Variants in LYSMD4 observed in about 807,000 individuals in gnomAD.
LYSMD4 encodes LysM domain containing 4, also known as lysM and putative peptidoglycan-binding domain-containing protein 4.
A neutral mutation model predicts 6.1 loss-of-function variants in LYSMD4; 9 were observed. The ratio of observed to expected loss-of-function variants is 1.47; its 90% CI spans 0.88 to 2.56. The LOEUF is 2.56. Ranked by LOEUF, LYSMD4 falls within the 30% of genes most tolerant of loss-of-function variation. LYSMD4 has a pLI of 0.00. For missense variants in LYSMD4, 384 were observed against 373.5 expected, an observed-to-expected ratio of 1.03 and a Z score of -0.23; for synonymous variants, 143 against 148.5, an observed-to-expected ratio of 0.96 and a Z score of 0.27.
upstream of LYSMD4, among the ~76,000 whole-genome samples, chr15:99,721,751 T>C (rs2059239576): frequency 6.6e-6 from 1 of 152,126 alleles, no homozygotes; most frequent in African/African-American, 2.4e-5. Flanking sequence ...CATATTAGAA[T>C]AACAGCAACC....
At chr15:99,725,115 G>T (rs558999141), downstream of LYSMD4, among the ~76,000 whole-genome samples, 9 of 149,500 alleles carry the variant, frequency 6.0e-5, no homozygotes, top group South Asian at 2.2e-4. Context: ...GAAGGAAGCA[G>T]GTAAGGGAGG....
intron 1 of LYSMD4, 79 bp from the exon 2 acceptor site, chr15:99,732,086 GT>G (rs2059432961): frequency 1.4e-6 from 2 of 1,403,264 alleles, no homozygotes; most frequent in African/African-American, 1.4e-5. Context: ...GAAGTGTCTT[GT>G]TAGAGAGTAT....
Position 99,729,415 on chromosome 15 carries a change from AGTGGCTGATGGGAGGT to A in LYSMD4, c.583_598del (p.Thr195CysfsTer28). The A allele has an allele frequency of 6.2e-7, 1 of 1,614,230 alleles. No individual in the cohort carries two copies. The highest frequency in any genetic ancestry group is 8.5e-7 in the Non-Finnish European group (1 of 1,180,036). On this transcript the variant is annotated frameshift_variant, in exon 3 of 3. Coordinates refer to ENST00000684762, the MANE Select transcript of LYSMD4 (RefSeq NM_001284417.2). LOFTEE classifies it low-confidence loss of function (END_TRUNC). ...AGGCGTCTTCGGAGGTGCCGGGAGC[AGTGGCTGATGGGAGGT>A]GTCCATGCAGTAACTTTCATGTAGA...
chr15:99,725,504 G>C (rs1239853617), downstream of LYSMD4, among the ~76,000 whole-genome samples: 1 of 152,024 alleles, frequency 6.6e-6, no homozygotes, highest in East Asian at 1.9e-4. Flanking sequence ...TCAATCCTTT[G>C]ACTCTGCTGG....
rs1434864951 is a variant in LYSMD4, at chr15:99,728,701, A to G, written c.*422T>C. The stretch of plus-strand genomic sequence containing the variant: ...CAGAGAACACTCCTTCTCAGAGCCA[A>G]TCCCCGCTCCACAGGAAGTGAGGAT... On this transcript the variant is annotated 3_prime_UTR_variant, in exon 3 of 3. Coordinates refer to ENST00000684762, the MANE Select transcript of LYSMD4 (RefSeq NM_001284417.2). 4.8e-6 allele frequency: 1 copy of G among 209,360 alleles called. No individual in the cohort carries two copies. Among genetic ancestry groups the G allele is most frequent in the Non-Finnish European group, 9.9e-6 (1 of 100,948 alleles). The allele number at this position is 209,360 out of a possible 1,614,324, so 13.0% of individuals were successfully genotyped here.
At chr15:99,726,210 C>T (rs1003286182), downstream of LYSMD4, among the ~76,000 whole-genome samples, 3 of 140,570 alleles carry the variant, frequency 2.1e-5, no homozygotes, top group Non-Finnish European at 4.6e-5. Context: ...TCGGCCCGAT[C>T]TCGGCTCACT....
chr15:99,732,184 T>C (rs2059435290), intron 1 of LYSMD4, among the ~76,000 whole-genome samples, 177 bp from the exon 2 acceptor site: 1 of 152,196 alleles, frequency 6.6e-6, no homozygotes, highest in Non-Finnish European at 1.5e-5. Flanking sequence ...TGGAAGAAGA[T>C]AGGCAGAATA....
chr15:99,724,852 G>A (rs1281646124), downstream of LYSMD4, among the ~76,000 whole-genome samples: 1 of 152,206 alleles, frequency 6.6e-6, no homozygotes, highest in East Asian at 1.9e-4. Context: ...ATGGGAAGGG[G>A]TACAGGTCAC....
chr15:99,732,771 G>C (rs563435772), intron 1 of LYSMD4, among the ~76,000 whole-genome samples: 330 of 152,384 alleles, frequency 2.2e-3, no homozygotes, highest in African/African-American at 6.3e-3. Context: ...CGGAGCCACA[G>C]GGGAGCAGCC....
downstream of LYSMD4, among the ~76,000 whole-genome samples, chr15:99,725,562 A>G (rs948980151): frequency 2.6e-5 from 4 of 152,158 alleles, no homozygotes; most frequent in Admixed American, 6.5e-5. Context: ...ACCCCAACAC[A>G]AGGGGCCTGG....
Position 99,729,544 on chromosome 15 carries a change from G to T in LYSMD4, c.470C>A (p.Ala157Glu), listed in dbSNP as rs8041089. 2.0e-5 allele frequency: 32 copies of T among 1,614,012 alleles called. No individual in the cohort carries two copies. In the African/African-American group the frequency reaches 3.9e-4, roughly 20 times the overall value. ...VELPEADRAG[A>E]GTGAQAGQLM... ...TTGGCCGGCCTGGGCACCGGTGCCC[G>T]CGCCTGCTCTGTCTGCCTCTGGCAG... Residue 157 changes from alanine (A) to glutamate (E), a missense_variant, in exon 3 of 3, where the codon GCG becomes GAG. By Grantham distance (107) the Ala-to-Glu change is moderately radical. Coordinates refer to ENST00000684762, the MANE Select transcript of LYSMD4 (RefSeq NM_001284417.2).
upstream of LYSMD4, among the ~76,000 whole-genome samples, chr15:99,719,361 G>A (rs2059221406): frequency 6.6e-6 from 1 of 152,096 alleles, no homozygotes; most frequent in South Asian, 2.1e-4. Context: ...TGTATGAATA[G>A]TATCTGAAAC....
downstream of LYSMD4, among the ~76,000 whole-genome samples, chr15:99,727,178 C>T (rs1160138964): frequency 2.6e-5 from 4 of 152,182 alleles, no homozygotes; most frequent in Admixed American, 6.5e-5. Flanking sequence ...AGTTCGAAAT[C>T]AGCCTGGCCA....
chr15:99,724,170 G>T (rs562322145), downstream of LYSMD4, among the ~76,000 whole-genome samples: 1 of 151,128 alleles, frequency 6.6e-6, no homozygotes, highest in African/African-American at 2.5e-5. Flanking sequence ...ATCTCCTCCA[G>T]ATGTTTTATT....
chr15:99,733,247 C>T, intron 1 of LYSMD4, 98 bp downstream of exon 1: 1 of 379,404 alleles, frequency 2.6e-6, no homozygotes, highest in Non-Finnish European at 4.7e-6. Flanking sequence ...GAGGGGCGGC[C>T]CGCCCGCGAA....
intron 2 of LYSMD4, among the ~76,000 whole-genome samples, chr15:99,730,080 T>C (rs2059368677): frequency 6.6e-6 from 1 of 152,246 alleles, no homozygotes. Context: ...AAAGGAATGT[T>C]GCAGCCTTTT....
upstream of LYSMD4, among the ~76,000 whole-genome samples, chr15:99,721,705 T>G (rs2059239239): frequency 6.6e-6 from 1 of 152,126 alleles, no homozygotes; most frequent in Non-Finnish European, 1.5e-5. Context: ...TGGCTGCCCC[T>G]CCCCTGACCC....
Position 99,731,763 on chromosome 15 carries a change from G to A in LYSMD4, c.237C>T (p.Ala79=). The part of the protein sequence containing the change: ...GDVVLLQREL[A]QEDSLNKLAL... ...CCAGCTTGTTGAGGCTGTCCTCCTG[G>A]GCCAGCTCCCGCTGCAGCAGCACCA... The change falls in exon 2 of 3, where the codon GCC becomes GCT. Residue 79 remains alanine, a synonymous_variant. Transcript: ENST00000684762. 1 of 1,609,146 alleles carries A rather than the reference G, an allele frequency of 6.2e-7. No homozygotes were observed. Among genetic ancestry groups the A allele is most frequent in the Non-Finnish European group, 8.5e-7 (1 of 1,178,268 alleles).
At chr15:99,723,216 ATGGCTAAAATT>A (rs997027562), downstream of LYSMD4, among the ~76,000 whole-genome samples, 9 of 152,192 alleles carry the variant, frequency 5.9e-5, no homozygotes, top group African/African-American at 2.2e-4. Flanking sequence ...CAAAGAAACA[ATGGCTAAAATT>A]TGTCCAAATT....
Sources: gnomAD v4.1 joint callset for allele counts (sites outside exome capture counted in the v4.1 genomes callset) on GRCh38, gnomAD v4.1.1 for gene constraint, MANE v1.5 for transcripts, NCBI Gene and HGNC (gene_info 2026-07-23, HGNC 2026-07-21) for gene names.